Variants in WDR87 observed in about 807,000 individuals in gnomAD.
The protein encoded by WDR87 is WD repeat-containing protein 87.
WDR87 carries 56 observed loss-of-function variants against 83.3 expected under a neutral mutation model. That is an observed-to-expected ratio of 0.67 (90% CI 0.54 to 0.84). The LOEUF (loss-of-function observed/expected upper bound fraction) is 0.84, where lower values mean the gene tolerates loss of function less well. Among genes scored for constraint, WDR87 ranks in the 40% least tolerant of loss-of-function variants. The probability of loss-of-function intolerance (pLI) is 0.00; values close to 1 mark genes in which losing one functional copy is unlikely to be tolerated. For missense variants in WDR87, 2,939 were observed against 3,431.9 expected, an observed-to-expected ratio of 0.86 and a Z score of 3.59; for synonymous variants, 1,173 against 1,250.6, an observed-to-expected ratio of 0.94 and a Z score of 1.31.
rs760886366 is a variant in WDR87, at chr19:37,889,859, C to T, written c.3812G>A (p.Arg1271His). 6.1e-5 allele frequency: 95 copies of T among 1,551,616 alleles called. No homozygotes were observed. Among genetic ancestry groups the T allele is most frequent in the Admixed American group, 3.5e-4 (18 of 50,982 alleles). Residue 1271 changes from arginine to histidine, a missense_variant, in exon 6 of 6, where the codon CGC becomes CAC. This residue lies in a region of WDR87 where 2,160 missense variants were observed against 2,533.1 expected (regional missense o/e 0.85). Coordinates refer to ENST00000447313, the MANE Select transcript of WDR87 (RefSeq NM_001291088.2). ...QGRGASGISGRRSTAGDGSSW... is the reference protein window; with the variant it reads ...QGRGASGISGHRSTAGDGSSW... The stretch of plus-strand genomic sequence containing the variant: ...TGAGCCATCTCCAGCGGTTGACCTG[C>T]GGCCAGATATTCCAGAGGCTCCCCG...
Position 37,889,961 on chromosome 19 carries a change from T to G in WDR87, c.3710A>C (p.Glu1237Ala). The G allele has an allele frequency of 6.4e-7, 1 of 1,551,730 alleles. No homozygotes were observed. The highest frequency in any genetic ancestry group is 8.7e-7 in the Non-Finnish European group (1 of 1,147,004). ...AGTTTCCTCATTTATAACTTTGGCT[T>G]CTTTTCCCTTCTTTTTGTGCTTCTT... is the stretch of plus-strand genomic sequence containing the variant. Reference protein sequence around the residue: ...LKKKHKKKGKEAKVINEETTP... With the variant: ...LKKKHKKKGKAAKVINEETTP... The change falls in exon 6 of 6, where the codon GAA (glutamate) becomes GCA (alanine). Residue 1237 changes from glutamate to alanine, a missense_variant. Physicochemically the swap from Glu to Ala is moderately radical, Grantham distance 107. Coordinates refer to ENST00000447313, the MANE Select transcript of WDR87 (RefSeq NM_001291088.2).
chr19:37,906,258 C>T (rs2046327837), intron 1 of WDR87, among the ~76,000 whole-genome samples: 1 of 152,128 alleles, frequency 6.6e-6, no homozygotes, highest in Non-Finnish European at 1.5e-5. Context: ...CAAAATTTCC[C>T]AAGGTGTAGG....
rs576576611 is a variant in WDR87 at position 37,900,468 on chromosome 19, G to A, written c.-46-2183C>T. Among the ~76,000 whole-genome samples, 8 of 146,872 alleles carry A rather than the reference G, an allele frequency of 5.4e-5. No individual in the cohort carries two copies. The East Asian group carries it at 1.7e-3, about 31-fold the overall frequency. On this transcript the variant is annotated intron_variant, in intron 1 of 5. Coordinates refer to ENST00000447313, the MANE Select transcript of WDR87 (RefSeq NM_001291088.2). ...TCCAGCTACTCGGGAGGCTGAGGCAGGAGAATCGCTTCAACATGGGAGACA... is the reference window on the plus strand; with the variant it reads ...TCCAGCTACTCGGGAGGCTGAGGCAAGAGAATCGCTTCAACATGGGAGACA...
chr19:37,890,090 G>A lies in WDR87; in HGVS notation c.3581C>T (p.Ser1194Phe), dbSNP rs2046191525. 9 of 1,551,742 alleles carry A rather than the reference G, an allele frequency of 5.8e-6. No individual in the cohort carries two copies. Among genetic ancestry groups the A allele is most frequent in the Non-Finnish European group, 7.8e-6 (9 of 1,147,048 alleles). ...ATCCTTCGAGATATCTTTCTCTTGA[G>A]AATCAACATCTTTTGAGAGCTTTAT... ...SVIKLSKDVD[S>F]QEKDISKDHI... The change falls in exon 6 of 6, where the codon TCT (serine) becomes TTT (phenylalanine). Residue 1194 changes from serine to phenylalanine, a missense_variant. Around this residue, in one of 3 missense-constraint regions of WDR87, gnomAD observed 2,160 missense variants for 2,533.1 expected, o/e 0.85. Coordinates refer to ENST00000447313, the MANE Select transcript of WDR87 (RefSeq NM_001291088.2).
In WDR87 at chr19:37,905,767, C is replaced by T. The variant is rs567570389; in HGVS notation, c.-47+732G>A. On this transcript the variant is annotated intron_variant, in intron 1 of 5. Coordinates refer to ENST00000447313, the MANE Select transcript of WDR87 (RefSeq NM_001291088.2). ...ATAGGGTCTTGCTATGTTACCCGGC[C>T]AGTCTCCAACTCCTGGCCTTAAGTG... Among the ~76,000 whole-genome samples, 7 of 152,186 alleles carry T rather than the reference C, an allele frequency of 4.6e-5. No individual in the cohort carries two copies. In the East Asian group the frequency reaches 1.2e-3, roughly 25 times the overall value.
At position 37,888,631 on chromosome 19, in the gene WDR87, C is replaced by T; in HGVS notation, c.5040G>A (p.Glu1680=). The change falls in exon 6 of 6, where the codon GAG becomes GAA. Residue 1680 remains glutamate (E), a synonymous_variant. Transcript: ENST00000447313. ...AQAEGKFAQK[E]ETLAQRGEKL... is the part of the protein sequence containing the mutation. ...TCTCCCCTCTTTGGGCCAGTGTTTC[C>T]TCTTTCTGGGCAAACTTACCCTCTG... The T allele has an allele frequency of 6.4e-7, 1 of 1,552,026 alleles. No individual in the cohort carries two copies. The highest frequency in any genetic ancestry group is 8.7e-7 in the Non-Finnish European group (1 of 1,147,096).
At chr19:37,897,177 T>C (rs1651672029) in intron 2 of WDR87, among the ~76,000 whole-genome samples, 1 of 149,976 alleles carries the variant, frequency 6.7e-6, no homozygotes, top group Admixed American at 6.7e-5. Flanking sequence ...ATAGACCATG[T>C]GCTATGAAAC....
rs2145416586 is a variant in WDR87, at chr19:37,886,538, C to G, written c.7133G>C (p.Arg2378Thr). ...ESCSLEEEVD[R>T]EKEILKKEKQ... is the part of the protein sequence containing the mutation. ...TTCTTTTTTTAAGATCTCTTTTTCC[C>G]TGTCCACCTCTTCTTCCAATGAGCA... Residue 2378 changes from arginine (R) to threonine (T), a missense_variant, in exon 6 of 6, where the codon AGG becomes ACG. Arg to Thr is a moderately conservative substitution (Grantham distance 71). Coordinates refer to ENST00000447313, the MANE Select transcript of WDR87 (RefSeq NM_001291088.2). 1 of 1,501,438 alleles carries G rather than the reference C, an allele frequency of 6.7e-7. No homozygotes were observed. The highest frequency in any genetic ancestry group is 8.8e-7 in the Non-Finnish European group (1 of 1,130,370). 93.0% of individuals were successfully genotyped at this position (1,501,438 alleles called of 1,614,324 possible). A position where few individuals can be genotyped will look rare whatever the true frequency, so the allele number is the denominator to read the frequency against.
Position 37,887,889 on chromosome 19 carries a change from C to T in WDR87, c.5782G>A (p.Ala1928Thr), listed in dbSNP as rs1482738748. Residue 1928 changes from alanine to threonine, a missense_variant, in exon 6 of 6, where the codon GCT becomes ACT. Ala to Thr is a moderately conservative substitution (Grantham distance 58). Coordinates refer to ENST00000447313, the MANE Select transcript of WDR87 (RefSeq NM_001291088.2). ...TGTGTCAGCTTCTCCTCTACCTGAG[C>T]CAGTATCTTGTTGAACATTCCCAAT... Reference protein sequence around the residue: ...NKLGMFNKILAQVEEKLTQEK... With the variant: ...NKLGMFNKILTQVEEKLTQEK... 3 of 1,551,652 alleles carry T rather than the reference C, an allele frequency of 1.9e-6. No homozygotes were observed. The highest frequency in any genetic ancestry group is 2.6e-6 in the Non-Finnish European group (3 of 1,146,958).
In WDR87 at chr19:37,889,310, T is replaced by C. The variant is rs1390328908; in HGVS notation, c.4361A>G (p.Lys1454Arg). Reference protein sequence around the residue: ...KAVQKERKVGKIKREMTKEER... With the variant: ...KAVQKERKVGRIKREMTKEER... The stretch of plus-strand genomic sequence containing the variant: ...TTCTTTGGTCATTTCCCTCTTTATT[T>C]TTCCTACTTTTCTTTCCTTCTGGAC... Residue 1454 changes from lysine (K) to arginine (R), a missense_variant, in exon 6 of 6, where the codon AAA becomes AGA. By Grantham distance (26) the Lys-to-Arg change is conservative. Around this residue, in one of 3 missense-constraint regions of WDR87, gnomAD observed 2,160 missense variants for 2,533.1 expected, o/e 0.85. Coordinates refer to ENST00000447313, the MANE Select transcript of WDR87 (RefSeq NM_001291088.2). 1 of 1,551,774 alleles carries C rather than the reference T, an allele frequency of 6.4e-7. No homozygotes were observed. Among genetic ancestry groups the C allele is most frequent in the East Asian group, 2.4e-5 (1 of 40,914 alleles).
Position 37,885,991 on chromosome 19 carries a change from G to T in WDR87, c.7680C>A (p.Ser2560Arg). 2 of 1,551,946 alleles carry T rather than the reference G, an allele frequency of 1.3e-6. No homozygotes were observed. The highest frequency in any genetic ancestry group is 1.7e-6 in the Non-Finnish European group (2 of 1,147,032). ...GGCGGATCCACTCTACATCTGAGAGGCTTACGTCTGCATGTTGTTCCTTAG... is the reference window on the plus strand; with the variant it reads ...GGCGGATCCACTCTACATCTGAGAGTCTTACGTCTGCATGTTGTTCCTTAG... ...IPAKEQHADV[S>R]LSDVEWIRHV... The change falls in exon 6 of 6, where the codon AGC (serine) becomes AGA (arginine). Residue 2560 changes from serine to arginine, a missense_variant. Ser to Arg is a moderately radical substitution (Grantham distance 110). Coordinates refer to ENST00000447313, the MANE Select transcript of WDR87 (RefSeq NM_001291088.2).
In WDR87 at chr19:37,887,349, C is replaced by T. The variant is rs1948042710; in HGVS notation, c.6322G>A (p.Glu2108Lys). The change falls in exon 6 of 6, where the codon GAA (glutamate) becomes AAA (lysine). Residue 2108 changes from glutamate to lysine, a missense_variant. This residue lies in a region of WDR87 where 2,160 missense variants were observed against 2,533.1 expected (regional missense o/e 0.85). Coordinates refer to ENST00000447313, the MANE Select transcript of WDR87 (RefSeq NM_001291088.2). ...AAGATTTTGTTCAGTTTTGCTGGTT[C>T]CTTGGAAAGGCTCTCCCTTTTTTTA... ...LIKKRESLSK[E>K]PAKLNKILKA... The T allele has an allele frequency of 6.4e-7, 1 of 1,551,614 alleles. No individual in the cohort carries two copies. The highest frequency in any genetic ancestry group is 8.7e-7 in the Non-Finnish European group (1 of 1,146,960).
chr19:37,894,451 C>A lies in WDR87; in HGVS notation c.1252G>T (p.Asp418Tyr). ...ILDQAVDWAY[D>Y]PGKEELFVAT... ...ACAAAGAGCTCCTCTTTACCTGGGT[C>A]GTAGGCCCAATCCACAGCCTGGTCC... The change falls in exon 4 of 6, where the codon GAC becomes TAC. Residue 418 changes from aspartate (D) to tyrosine (Y), a missense_variant. Asp to Tyr is a radical substitution (Grantham distance 160). Transcript: ENST00000447313. 6.4e-7 allele frequency: 1 copy of A among 1,551,676 alleles called. No homozygotes were observed. The highest frequency in any genetic ancestry group is 1.2e-5 in the South Asian group (1 of 84,054).
chr19:37,899,446 AAG>A (rs2046280757), intron 1 of WDR87, among the ~76,000 whole-genome samples: 1 of 151,558 alleles, frequency 6.6e-6, no homozygotes, highest in African/African-American at 2.4e-5. Flanking sequence ...AGGAAAAAAA[AAG>A]AAAAAAAAGA....
rs1392478526 is a variant in WDR87, at chr19:37,885,787, T to C, written c.7884A>G (p.Ser2628=). The change falls in exon 6 of 6, where the codon TCA becomes TCG. Residue 2628 remains serine, a synonymous_variant. Coordinates refer to ENST00000447313, the MANE Select transcript of WDR87 (RefSeq NM_001291088.2). The stretch of plus-strand genomic sequence containing the variant: ...ATTTTGGACTCATGGACTGTCTACT[T>C]GAGATCCTTGTGTCTTGTGACTCCA... ...QALESQDTRI[S]SRQSMSPKYL... 1 of 1,551,118 alleles carries C rather than the reference T, an allele frequency of 6.4e-7. No individual in the cohort carries two copies. Among genetic ancestry groups the C allele is most frequent in the Non-Finnish European group, 8.7e-7 (1 of 1,146,422 alleles).
Position 37,885,487 on chromosome 19 carries a change from CATCAGTGCCAGGGTTT to C in WDR87, c.8168_8183del (p.Gln2723ArgfsTer21), listed in dbSNP as rs1568447458. ...TAAAATCCCAGAAGTCCTTTTGAAA[CATCAGTGCCAGGGTTT>C]GTTTTTCCACAGAGGCATGGGCACT... is the stretch of plus-strand genomic sequence containing the variant. On this transcript the variant is annotated frameshift_variant, in exon 6 of 6. Coordinates refer to ENST00000447313, the MANE Select transcript of WDR87 (RefSeq NM_001291088.2). LOFTEE classifies it low-confidence loss of function (END_TRUNC). The C allele has an allele frequency of 1.3e-6, 2 of 1,551,606 alleles. No homozygotes were observed. Among genetic ancestry groups the C allele is most frequent in the African/African-American group, 2.7e-5 (2 of 73,152 alleles).
At position 37,888,734 on chromosome 19, in the gene WDR87, C is replaced by T. The variant is rs558181437; in HGVS notation, c.4937G>A (p.Arg1646Lys). The T allele has an allele frequency of 3.2e-6, 5 of 1,551,922 alleles. No individual in the cohort carries two copies. In the Admixed American group the frequency reaches 5.9e-5, roughly 18 times the overall value. ...QEEEKLAQEE[R>K]QLAQEERKLA... is the part of the protein sequence containing the mutation. ...TTTTCTCTCTTCCTGGGCCAACTGTCTCTCTTCTTGTGCAAGTTTCTCTTC... is the reference window on the plus strand; with the variant it reads ...TTTTCTCTCTTCCTGGGCCAACTGTTTCTCTTCTTGTGCAAGTTTCTCTTC... The change falls in exon 6 of 6, where the codon AGA becomes AAA. Residue 1646 changes from arginine to lysine, a missense_variant. By Grantham distance (26) the Arg-to-Lys change is conservative. Transcript: ENST00000447313.
At chr19:37,891,925 C>A in intron 4 of WDR87, 105 bp from the exon 5 acceptor site, 1 of 1,374,328 alleles carries the variant, frequency 7.3e-7, no homozygotes, top group South Asian at 1.5e-5. Flanking sequence ...GGCAAAGTGG[C>A]CAAGAGAGAT....
Position 37,894,493 on chromosome 19 carries a change from A to G in WDR87, c.1210T>C (p.Trp404Arg). Reference protein sequence around the residue: ...PVTGDLLVITWPFSILDQAVD... With the variant: ...PVTGDLLVITRPFSILDQAVD... ...GCCTGGTCCAGGATTGAGAAGGGCC[A>G]GGTGATAACCAGAAGGTCCCCTGTT... Residue 404 changes from tryptophan to arginine, a missense_variant, in exon 4 of 6, where the codon TGG (tryptophan) becomes CGG (arginine). This residue lies in a region of WDR87 where 553 missense variants were observed against 577.9 expected (regional missense o/e 0.96). Transcript: ENST00000447313. The G allele has an allele frequency of 6.4e-7, 1 of 1,551,740 alleles. No homozygotes were observed. The highest frequency in any genetic ancestry group is 8.7e-7 in the Non-Finnish European group (1 of 1,146,998).
Sources: allele counts gnomAD v4.1 joint callset (sites outside exome capture counted in the v4.1 genomes callset), GRCh38; gene constraint gnomAD v4.1.1; regional missense constraint gnomAD v4.1.1; transcripts MANE v1.5; gene names NCBI Gene and HGNC (gene_info 2026-07-23, HGNC 2026-07-21).